The following GLI3 variants were observed in gnomAD, a reference collection of about 807,000 sequenced individuals.
GLI3 encodes transcription activator GLI3.
Under a neutral mutation model 100.8 loss-of-function variants are expected in GLI3, and 20 were observed. The observed-to-expected ratio is 0.20, with a 90% CI of 0.14 to 0.29. GLI3 has a LOEUF of 0.29. GLI3 is among the 10% of genes least tolerant of loss of function. GLI3 has a pLI of 1.00. For synonymous variants in GLI3, 938 were observed against 860.5 expected (o/e 1.09, Z -1.58); for missense variants, 2,040 against 2,128.5 (o/e 0.96, Z 0.82).
chr7:42,145,740 A>C (rs1786689189), intron 3 of GLI3: 1 of 397,430 alleles, frequency 2.5e-6, no homozygotes, highest in African/African-American at 2.1e-5. Context: ...ATGATGATGT[A>C]GAAGAGAAGG....
chr7:42,012,745 T>G (rs1328138847), intron 10 of GLI3, among the ~76,000 whole-genome samples: 1 of 152,212 alleles, frequency 6.6e-6, no homozygotes, highest in African/African-American at 2.4e-5. Flanking sequence ...GGCTCAGTAC[T>G]GAGATTCCAG....
At chr7:42,250,279 G>GA (rs962322837) in intron 1 of GLI3, among the ~76,000 whole-genome samples, 1 of 151,974 alleles carries the variant, frequency 6.6e-6, no homozygotes, top group African/African-American at 2.4e-5. Flanking sequence ...CTCCTTAAAA[G>GA]AAAAAAACCA....
In GLI3 at chr7:42,194,420, C is replaced by T. The variant is rs775416677; in HGVS notation, c.124+28710G>A. ...TTCGGCATTGTTGTCCCAAGGGGTT[C>T]AGGCCTACATCCAACTTTTCTGGCT... On this transcript the variant is annotated intron_variant, in intron 2 of 14. Coordinates refer to ENST00000395925, the MANE Select transcript of GLI3 (RefSeq NM_000168.6). Among the ~76,000 whole-genome samples, 44 of 152,300 alleles carry T rather than the reference C, an allele frequency of 2.9e-4. No individual in the cohort carries two copies. In the Middle Eastern group the frequency reaches 0.017, roughly 59 times the overall value.
At chr7:41,979,623 T>C (rs979730351) in intron 10 of GLI3, among the ~76,000 whole-genome samples, 3 of 152,180 alleles carry the variant, frequency 2.0e-5, no homozygotes, top group Non-Finnish European at 4.4e-5. Context: ...CAAATTAAGG[T>C]CAATTTCAAC....
chr7:42,128,875 T>A (rs951917671), intron 3 of GLI3, among the ~76,000 whole-genome samples: 1 of 152,152 alleles, frequency 6.6e-6, no homozygotes, highest in African/African-American at 2.4e-5. Flanking sequence ...AGGAAGCCAG[T>A]CCAGTATCTA....
intron 1 of GLI3, among the ~76,000 whole-genome samples, chr7:42,230,107 G>C (rs1019221537): frequency 2.5e-5 from 3 of 121,012 alleles, no homozygotes; most frequent in East Asian, 2.9e-4. Context: ...GCGGGGGGGG[G>C]GGGGGTGGAA....
rs538659797 is a variant in GLI3, at chr7:41,964,952, G to A, written c.4121C>T (p.Pro1374Leu). The change falls in exon 15 of 15, where the codon CCG (proline) becomes CTG (leucine). Residue 1374 changes from proline to leucine, a missense_variant. This residue lies in a region of GLI3 where 1,041 missense variants were observed against 924.0 expected (regional missense o/e 1.13). Coordinates refer to ENST00000395925, the MANE Select transcript of GLI3 (RefSeq NM_000168.6). The part of the protein sequence containing the change: ...LPGAHGMGSQ[P>L]SSLAVVRGYQ... ...GCCCCTGACAACTGCCAAGCTTGAC[G>A]GCTGGCTGCCCATGCCGTGAGCCCC... The A allele has an allele frequency of 6.2e-7, 1 of 1,613,712 alleles. No homozygotes were observed. The highest frequency in any genetic ancestry group is 1.1e-5 in the South Asian group (1 of 91,078).
At chr7:42,150,167 TA>T (rs1239465650) in intron 2 of GLI3, 1 of 152,164 alleles carries the variant, frequency 6.6e-6, no homozygotes, top group Non-Finnish European at 1.5e-5. Flanking sequence ...AATTAAGGGG[TA>T]AATTATATGT....
intron 3 of GLI3, among the ~76,000 whole-genome samples, chr7:42,141,481 G>A (rs1198687103): frequency 3.3e-5 from 5 of 152,118 alleles, no homozygotes; most frequent in Non-Finnish European, 7.4e-5. Flanking sequence ...AGACCAGCGT[G>A]GCCAACATGG....
Position 41,964,925 on chromosome 7 carries a change from T to C in GLI3, c.4148A>G (p.Tyr1383Cys), listed in dbSNP as rs894551472. The C allele has an allele frequency of 6.2e-6, 10 of 1,613,634 alleles. No individual in the cohort carries two copies. The highest frequency in any genetic ancestry group is 4.0e-5 in the African/African-American group (3 of 74,936). The change falls in exon 15 of 15, where the codon TAC (tyrosine) becomes TGC (cysteine). Residue 1383 changes from tyrosine to cysteine, a missense_variant. Coordinates refer to ENST00000395925, the MANE Select transcript of GLI3 (RefSeq NM_000168.6). ...GCCCCCAAAGCTGGCACATGGCTGG[T>C]AGCCCCTGACAACTGCCAAGCTTGA... ...QPSSLAVVRGYQPCASFGGSR... is the reference protein window; with the variant it reads ...QPSSLAVVRGCQPCASFGGSR...
intron 8 of GLI3, 68 bp from the exon 9 acceptor site, chr7:42,025,445 A>T (rs1789085012): frequency 8.7e-7 from 1 of 1,154,512 alleles, no homozygotes; most frequent in East Asian, 2.3e-5. Flanking sequence ...ACCATAATTA[A>T]AACCTTGCCA....
At chr7:42,126,944 A>C (rs1786148247) in intron 3 of GLI3, among the ~76,000 whole-genome samples, 1 of 152,196 alleles carries the variant, frequency 6.6e-6, no homozygotes, top group African/African-American at 2.4e-5. Flanking sequence ...CCCCAGAGAA[A>C]AACCCAATGA....
At chr7:42,099,851 C>A (rs910082311) in intron 3 of GLI3, among the ~76,000 whole-genome samples, 2 of 152,240 alleles carry the variant, frequency 1.3e-5, no homozygotes, top group Non-Finnish European at 2.9e-5. Flanking sequence ...AAATATAAGA[C>A]AAAACACACT....
intron 3 of GLI3, among the ~76,000 whole-genome samples, chr7:42,128,237 T>C (rs1786184652): frequency 6.6e-6 from 1 of 152,190 alleles, no homozygotes; most frequent in Non-Finnish European, 1.5e-5. Flanking sequence ...CCCACTTTAA[T>C]TGTCTGTTAT....
intron 7 of GLI3, among the ~76,000 whole-genome samples, chr7:42,036,486 T>G (rs1338104684): frequency 6.6e-6 from 1 of 152,050 alleles, no homozygotes; most frequent in Non-Finnish European, 1.5e-5. Context: ...TGGAGAGAAA[T>G]GGATAGCAGA....
At chr7:42,018,286 C>T (rs1344699852) in intron 10 of GLI3, among the ~76,000 whole-genome samples, 2 of 152,090 alleles carry the variant, frequency 1.3e-5, no homozygotes, top group Non-Finnish European at 2.9e-5. Flanking sequence ...TTAGAGTAAC[C>T]GAATTAACTA....
chr7:42,105,574 G>T (rs1185094030), intron 3 of GLI3, among the ~76,000 whole-genome samples: 6 of 152,170 alleles, frequency 3.9e-5, no homozygotes, highest in Non-Finnish European at 2.9e-5. Context: ...GATTTAAAAA[G>T]AAGATAATAT....
At chr7:42,099,822 C>T (rs181903627) in intron 3 of GLI3, among the ~76,000 whole-genome samples, 318 of 152,372 alleles carry the variant, frequency 2.1e-3, no homozygotes, top group Non-Finnish European at 3.7e-3. Context: ...TGATCCACTG[C>T]ATCTGGCCAT....
chr7:42,261,961 CCTCT>C (rs1221358495), intron 1 of GLI3, among the ~76,000 whole-genome samples: 10 of 104,778 alleles, frequency 9.5e-5, no homozygotes, highest in Non-Finnish European at 1.7e-4. Context: ...CCTTTTTCTT[CCTCT>C]CTCTCTCGCT....
Sources: allele counts gnomAD v4.1 joint callset (sites outside exome capture counted in the v4.1 genomes callset), GRCh38; gene constraint gnomAD v4.1.1; regional missense constraint gnomAD v4.1.1; transcripts MANE v1.5; gene names NCBI Gene and HGNC (gene_info 2026-07-23, HGNC 2026-07-21).